Variants in NCOA3 observed in about 807,000 individuals in gnomAD.
NCOA3 encodes nuclear receptor coactivator 3, also known as CBP-interacting protein.
In NCOA3, 51 loss-of-function variants were observed where a neutral mutation model predicts 158.8. That is an observed-to-expected ratio of 0.32 (90% CI 0.26 to 0.41). The LOEUF is 0.41. Ranked by LOEUF, NCOA3 falls within the 10% of genes least tolerant of loss-of-function variation. The pLI is 1.00. For synonymous variants in NCOA3, 537 were observed against 592.4 expected, an observed-to-expected ratio of 0.91 and a Z score of 1.36; for missense variants, 1,510 against 1,746.6, an observed-to-expected ratio of 0.86 and a Z score of 2.41.
rs752378623 is a variant in NCOA3, at chr20:47,636,067, A to G, written c.1681A>G (p.Lys561Glu). 1.2e-6 allele frequency: 2 copies of G among 1,614,166 alleles called. No homozygotes were observed. The highest frequency in any genetic ancestry group is 1.7e-5 in the Admixed American group (1 of 60,032). Residue 561 changes from lysine (K) to glutamate (E), a missense_variant, in exon 12 of 23, where the codon AAA (lysine) becomes GAA (glutamate). By Grantham distance (56) the Lys-to-Glu change is moderately conservative. Transcript: ENST00000371998. ...CAATATGAATATTACCCAACCAAGT[A>G]AAGTAAGCAATCAGGATTCCAAGAG... The part of the protein sequence containing the change: ...SPNMNITQPS[K>E]VSNQDSKSPL...
chr20:47,609,880 T>C (rs931868508), intron 2 of NCOA3, among the ~76,000 whole-genome samples: 4 of 152,254 alleles, frequency 2.6e-5, no homozygotes, highest in Non-Finnish European at 5.9e-5. Context: ...TGCAGTATTT[T>C]ATATTTTTGC....
intron 1 of NCOA3, among the ~76,000 whole-genome samples, chr20:47,579,452 G>T (rs1296910250): frequency 6.6e-6 from 1 of 152,160 alleles, no homozygotes; most frequent in Non-Finnish European, 1.5e-5. Flanking sequence ...TGTGAAAAGG[G>T]ATAATCTTGT....
intron 1 of NCOA3, among the ~76,000 whole-genome samples, chr20:47,542,008 A>AGTTTTTTTGTTTTTT (rs1256541856): frequency 7.4e-5 from 4 of 54,302 alleles, no homozygotes; most frequent in African/African-American, 7.7e-5. Flanking sequence ...TGCCCTGTAG[A>AGTTTTTTTGTTTTTT]GTTTTTTTTT....
Position 47,633,650 on chromosome 20 carries a change from G to A in NCOA3, c.964+14G>A, listed in dbSNP as rs1264945158. 3.7e-6 allele frequency: 6 copies of A among 1,607,318 alleles called. No individual in the cohort carries two copies. The highest frequency in any genetic ancestry group is 5.1e-6 in the Non-Finnish European group (6 of 1,178,202). On this transcript the variant is annotated intron_variant, in intron 9 of 22. Transcript: ENST00000371998. ...ACTATCAAGAAGGTAAAGAATTTTGGGGTTGATTGTTCTTATCATTTTATT... is the reference window on the plus strand; with the variant it reads ...ACTATCAAGAAGGTAAAGAATTTTGAGGTTGATTGTTCTTATCATTTTATT...
chr20:47,513,706 A>G (rs1159803511), intron 1 of NCOA3, among the ~76,000 whole-genome samples: 1 of 137,526 alleles, frequency 7.3e-6, no homozygotes, highest in Non-Finnish European at 1.5e-5. Context: ...AGCCCGATGG[A>G]GCAAGACTCT....
intron 2 of NCOA3, among the ~76,000 whole-genome samples, chr20:47,584,036 T>C: frequency 6.6e-6 from 1 of 152,196 alleles, no homozygotes. Flanking sequence ...TGCTCACAAC[T>C]ATGATCCTAG....
intron 2 of NCOA3, among the ~76,000 whole-genome samples, chr20:47,597,048 A>G (rs952640213): frequency 3.9e-5 from 6 of 152,376 alleles, no homozygotes; most frequent in African/African-American, 1.2e-4. Context: ...AAAGCATAAT[A>G]TACATACAAA....
chr20:47,583,143 G>T (rs2085480812), intron 1 of NCOA3, 40 bp from the exon 2 acceptor site: 3 of 398,526 alleles, frequency 7.5e-6, no homozygotes, highest in Non-Finnish European at 1.3e-5. Flanking sequence ...ATGAAGAAAA[G>T]ACAATAAAAT....
intron 1 of NCOA3, among the ~76,000 whole-genome samples, chr20:47,507,973 A>T (rs2084055821): frequency 6.6e-6 from 1 of 152,172 alleles, no homozygotes; most frequent in Admixed American, 6.6e-5. Context: ...AATTTAAGTC[A>T]GTAATAATTG....
At chr20:47,565,945 G>A (rs1158347151) in intron 1 of NCOA3, among the ~76,000 whole-genome samples, 2 of 152,142 alleles carry the variant, frequency 1.3e-5, no homozygotes, top group Admixed American at 1.3e-4. Flanking sequence ...GTTTAAAAAT[G>A]AAGCATGTCA....
At chr20:47,535,588 G>A (rs2425949) in intron 1 of NCOA3, among the ~76,000 whole-genome samples, 23,355 of 151,482 alleles carry the variant, frequency 0.15, 2,803 homozygotes, top group African/African-American at 0.33. Context: ...GCTCACTGCA[G>A]CCTCCTCCTC....
At chr20:47,650,117 C>T (rs762564750) in intron 19 of NCOA3, among the ~76,000 whole-genome samples, 2 of 151,824 alleles carry the variant, frequency 1.3e-5, no homozygotes, top group Non-Finnish European at 2.9e-5. Context: ...CAGATTCCAC[C>T]CCTAAATGTT....
At chr20:47,511,521 CGAGA>C (rs1411745477) in intron 1 of NCOA3, among the ~76,000 whole-genome samples, 17 of 14,150 alleles carry the variant, frequency 1.2e-3, no homozygotes, top group African/African-American at 2.4e-3. Context: ...GTATCTCTCT[CGAGA>C]TATATATATA....
chr20:47,516,920 A>T (rs113802609), intron 1 of NCOA3, among the ~76,000 whole-genome samples: 4 of 82,326 alleles, frequency 4.9e-5, no homozygotes, highest in Admixed American at 2.1e-4. Context: ...ACCCTGTCTT[A>T]AAAAAAAAAA....
rs1414970094 is a variant in NCOA3, at chr20:47,623,925, G to A, written c.98G>A (p.Gly33Asp). The change falls in exon 4 of 23, where the codon GGT becomes GAT. Residue 33 changes from glycine (G) to aspartate (D), a missense_variant. Transcript: ENST00000371998. ...DTPGQGLTCSGEKRRREQESK... is the reference protein window; with the variant it reads ...DTPGQGLTCSDEKRRREQESK... ...TTTTCCCTTAGTCTTACCTGCAGTG[G>A]TGAAAAACGGAGACGGGAGCAGGAA... 1 of 1,613,012 alleles carries A rather than the reference G, an allele frequency of 6.2e-7. No homozygotes were observed. The highest frequency in any genetic ancestry group is 8.5e-7 in the Non-Finnish European group (1 of 1,179,846).
In NCOA3 at chr20:47,586,450, A is replaced by T. The variant is rs548773175; in HGVS notation, c.-20+3189A>T. Among the ~76,000 whole-genome samples, 4 of 151,952 alleles carry T rather than the reference A, an allele frequency of 2.6e-5. 1 individual carries two copies. The highest frequency in any genetic ancestry group is 9.7e-5 in the African/African-American group (4 of 41,428). On this transcript the variant is annotated intron_variant, in intron 2 of 22. Transcript: ENST00000371998. Reference sequence around the variant, plus strand: ...ATATGTTATGCTTCTTTCCCCTAATACTTCTGTTGTATTCCTACAGATAGG... The same window carrying T: ...ATATGTTATGCTTCTTTCCCCTAATTCTTCTGTTGTATTCCTACAGATAGG...
intron 1 of NCOA3, among the ~76,000 whole-genome samples, chr20:47,527,424 A>C (rs1294010442): frequency 1.3e-5 from 2 of 152,002 alleles, no homozygotes; most frequent in South Asian, 2.1e-4. Context: ...TCTTTTGCTT[A>C]GTCTAATTCC....
chr20:47,578,522 A>C (rs2085406056), intron 1 of NCOA3, among the ~76,000 whole-genome samples: 1 of 152,200 alleles, frequency 6.6e-6, no homozygotes, highest in Admixed American at 6.5e-5. Context: ...TATGATTTTC[A>C]ACTTGCATTT....
chr20:47,522,892 T>TAAAA (rs3092358), intron 1 of NCOA3, among the ~76,000 whole-genome samples: 1 of 139,280 alleles, frequency 7.2e-6, no homozygotes. Context: ...AGAGATGCTT[T>TAAAA]AAAAAAAAAA....
Sources: gnomAD v4.1 joint callset for allele counts (sites outside exome capture counted in the v4.1 genomes callset) on GRCh38, gnomAD v4.1.1 for gene constraint, MANE v1.5 for transcripts, NCBI Gene and HGNC (gene_info 2026-07-23, HGNC 2026-07-21) for gene names.